CSMD1: variants seen among roughly 807,000 people sequenced by gnomAD.
CSMD1 encodes the protein CUB and Sushi multiple domains 1, also known as CUB and sushi domain-containing protein 1.
In CSMD1, 213 loss-of-function variants were observed where a neutral mutation model predicts 417.5. That is an observed-to-expected ratio of 0.51 (90% CI 0.46 to 0.57). CSMD1 has a LOEUF of 0.57. Ranked by LOEUF, CSMD1 falls within the 20% of genes least tolerant of loss-of-function variation. The pLI is 0.00. For missense variants in CSMD1, 6,923 were observed against 4,529.7 expected (o/e 1.53, Z -15.17); for synonymous variants, 2,862 against 1,736.8 (o/e 1.65, Z -16.11).
chr8:3,998,012 TC>T lies in CSMD1; in HGVS notation c.708del (p.Trp236Ter). On this transcript the variant is annotated frameshift_variant, in exon 5 of 70. Transcript: ENST00000635120. LOFTEE classifies it high-confidence loss of function. Reference sequence around the variant, plus strand: ...GTGTCCCCGGGCTCAGCCAGAATGGTCCAGGTGCAGTCCGCGTTGTTCTCGT... The same window carrying T: ...GTGTCCCCGGGCTCAGCCAGAATGGTCAGGTGCAGTCCGCGTTGTTCTCGT... ...SEYENNADCT[W>X]TILAEPGDTI... 6.2e-7 allele frequency: 1 copy of T among 1,609,116 alleles called. No individual in the cohort carries two copies. Among genetic ancestry groups the T allele is most frequent in the South Asian group, 1.1e-5 (1 of 89,906 alleles).
intron 1 of CSMD1, among the ~76,000 whole-genome samples, chr8:4,919,352 T>C (rs1044990280): frequency 6.6e-6 from 1 of 152,164 alleles, no homozygotes; most frequent in African/African-American, 2.4e-5. Context: ...ACTTTGCTGG[T>C]ACTTAAAATT....
chr8:3,066,320 T>A (rs999420458), intron 49 of CSMD1, among the ~76,000 whole-genome samples: 6 of 152,222 alleles, frequency 3.9e-5, no homozygotes, highest in African/African-American at 1.2e-4. Context: ...AATCTCATAG[T>A]TTTAGCTCTA....
At chr8:3,061,345 G>T (rs1036955286) in intron 49 of CSMD1, among the ~76,000 whole-genome samples, 1 of 152,154 alleles carries the variant, frequency 6.6e-6, no homozygotes, top group African/African-American at 2.4e-5. Flanking sequence ...CAGATTTAAT[G>T]TAAAAGAAAG....
chr8:3,508,102 T>A (rs927671231), intron 10 of CSMD1, among the ~76,000 whole-genome samples: 1 of 152,196 alleles, frequency 6.6e-6, no homozygotes, highest in African/African-American at 2.4e-5. Flanking sequence ...TCCTGAATGG[T>A]ATTGCCTAGG....
chr8:4,526,453 G>T (rs989210677), intron 2 of CSMD1, among the ~76,000 whole-genome samples: 12 of 152,140 alleles, frequency 7.9e-5, no homozygotes, highest in African/African-American at 2.9e-4. Context: ...TAAAATAATT[G>T]CTAGATGATT....
At chr8:4,175,784 T>C (rs1584960716) in intron 3 of CSMD1, among the ~76,000 whole-genome samples, 2 of 152,294 alleles carry the variant, frequency 1.3e-5, no homozygotes, top group East Asian at 1.9e-4. Context: ...TCATGAATAC[T>C]ATGATGATCA....
intron 1 of CSMD1, among the ~76,000 whole-genome samples, chr8:4,902,252 A>T (rs146888699): frequency 6.6e-6 from 1 of 151,246 alleles, no homozygotes; most frequent in East Asian, 2.0e-4. Context: ...CATTAAAAAG[A>T]CAAAACATCT....
chr8:4,599,490 C>G (rs1359176453), intron 2 of CSMD1, among the ~76,000 whole-genome samples: 3 of 150,872 alleles, frequency 2.0e-5, no homozygotes, highest in Non-Finnish European at 4.4e-5. Flanking sequence ...AGTGGAACTT[C>G]TAAATTATAT....
chr8:4,827,379 A>G (rs918312120), intron 1 of CSMD1, among the ~76,000 whole-genome samples: 8 of 152,172 alleles, frequency 5.3e-5, no homozygotes, highest in Non-Finnish European at 1.0e-4. Context: ...CGGCTGCTCG[A>G]GTTACCTTCC....
At chr8:4,465,335 CA>C (rs1426104002) in intron 2 of CSMD1, among the ~76,000 whole-genome samples, 3 of 151,922 alleles carry the variant, frequency 2.0e-5, no homozygotes, top group Non-Finnish European at 4.4e-5. Context: ...CCTGTGCTTG[CA>C]AAAAGTGTAC....
At chr8:4,772,497 A>T (rs1170623477) in intron 1 of CSMD1, among the ~76,000 whole-genome samples, 2 of 152,194 alleles carry the variant, frequency 1.3e-5, no homozygotes, top group Non-Finnish European at 2.9e-5. Flanking sequence ...ATAATATAAC[A>T]TTCACAGGAT....
chr8:3,716,259 T>C (rs761685130), intron 6 of CSMD1, among the ~76,000 whole-genome samples: 1 of 152,170 alleles, frequency 6.6e-6, no homozygotes, highest in Non-Finnish European at 1.5e-5. Context: ...GAGAGTGTTC[T>C]TGAATCTCAT....
intron 3 of CSMD1, among the ~76,000 whole-genome samples, chr8:4,359,511 A>C (rs1400423005): frequency 1.3e-5 from 2 of 152,196 alleles, no homozygotes; most frequent in Non-Finnish European, 2.9e-5. Context: ...AGACTTCCCC[A>C]ACCTTGCAAA....
At chr8:4,653,400 A>T (rs1172293163) in intron 1 of CSMD1, among the ~76,000 whole-genome samples, 1 of 152,208 alleles carries the variant, frequency 6.6e-6, no homozygotes, top group East Asian at 1.9e-4. Flanking sequence ...ATTACTAAAA[A>T]TTCTGGTAAT....
intron 7 of CSMD1, among the ~76,000 whole-genome samples, chr8:3,665,580 T>A (rs1324305146): frequency 6.6e-6 from 1 of 152,102 alleles, no homozygotes; most frequent in Non-Finnish European, 1.5e-5. Context: ...TTCCTTACTA[T>A]CCCACTTAAT....
chr8:3,129,806 T>C (rs557918532), intron 41 of CSMD1, among the ~76,000 whole-genome samples: 2 of 152,174 alleles, frequency 1.3e-5, no homozygotes, highest in South Asian at 2.1e-4. Context: ...CTGCCCAAGA[T>C]GGTGAAACCC....
At chr8:3,316,927 A>AAAAGT (rs1805810425) in intron 23 of CSMD1, among the ~76,000 whole-genome samples, 1 of 152,198 alleles carries the variant, frequency 6.6e-6, no homozygotes, top group Non-Finnish European at 1.5e-5. Context: ...GAAAATCTGC[A>AAAAGT]AAAGTATTTA....
intron 1 of CSMD1, among the ~76,000 whole-genome samples, chr8:4,649,844 G>A (rs994859750): frequency 6.6e-6 from 1 of 152,150 alleles, no homozygotes; most frequent in Non-Finnish European, 1.5e-5. Flanking sequence ...TATGAGTTAT[G>A]CCTTTAACAA....
rs529137995 is a variant in CSMD1 at position 3,876,150 on chromosome 8, C to T, written c.818+121753G>A. Among the ~76,000 whole-genome samples the T allele has an allele frequency of 3.9e-5, 6 of 152,204 alleles. No individual in the cohort carries two copies. In the East Asian group the frequency reaches 1.2e-3, roughly 29 times the overall value. On this transcript the variant is annotated intron_variant, in intron 5 of 69. Transcript: ENST00000635120. ...AAAGCAAGAAATTAACCTCTGGAAA[C>T]CAGTGACAGTCATGTTTTGTGAAGG...
Sources: allele counts gnomAD v4.1 joint callset (sites outside exome capture counted in the v4.1 genomes callset), GRCh38; gene constraint gnomAD v4.1.1; transcripts MANE v1.5; gene names NCBI Gene and HGNC (gene_info 2026-07-23, HGNC 2026-07-21).